RGS7: variants seen among roughly 807,000 people sequenced by gnomAD.
RGS7 encodes regulator of G-protein signaling 7.
In RGS7, 27 loss-of-function variants were observed where a neutral mutation model predicts 81.1. That is an observed-to-expected ratio of 0.33 (90% CI 0.25 to 0.46). The LOEUF (loss-of-function observed/expected upper bound fraction) is 0.46, where lower values mean the gene tolerates loss of function less well. RGS7 is among the 20% of genes least tolerant of loss of function. The pLI is 1.00. For synonymous variants in RGS7, 208 were observed against 207.7 expected (o/e 1.00, Z -0.01); for missense variants, 396 against 607.4 (o/e 0.65, Z 3.66).
At chr1:241,253,637 G>A (rs930255140) in intron 2 of RGS7, among the ~76,000 whole-genome samples, 5 of 152,118 alleles carry the variant, frequency 3.3e-5, no homozygotes, top group East Asian at 3.9e-4. Context: ...TATGCCCACC[G>A]TTGTGTCAGC....
At chr1:241,033,319 C>A (rs1274989358) in intron 3 of RGS7, among the ~76,000 whole-genome samples, 1 of 152,082 alleles carries the variant, frequency 6.6e-6, no homozygotes, top group Non-Finnish European at 1.5e-5. Flanking sequence ...CCACTGCACT[C>A]CAGCCTGGGT....
At chr1:240,794,732 C>T (rs1204782669) in intron 18 of RGS7, among the ~76,000 whole-genome samples, 1 of 152,150 alleles carries the variant, frequency 6.6e-6, no homozygotes, top group African/African-American at 2.4e-5. Context: ...TACCCTGGCT[C>T]CATAGCTGGG....
intron 6 of RGS7, among the ~76,000 whole-genome samples, chr1:240,904,292 G>A (rs1040483719): frequency 4.6e-5 from 7 of 152,272 alleles, no homozygotes; most frequent in South Asian, 4.1e-4. Context: ...AGATCAGGAC[G>A]GGAGTGTTAC....
chr1:241,273,186 C>T (rs957567774), intron 2 of RGS7, among the ~76,000 whole-genome samples: 7 of 135,104 alleles, frequency 5.2e-5, no homozygotes, highest in African/African-American at 1.6e-4. Context: ...CCCCCCCCCC[C>T]AAAGGATACA....
chr1:240,934,417 C>T (rs150027887), intron 5 of RGS7, among the ~76,000 whole-genome samples: 42 of 152,256 alleles, frequency 2.8e-4, no homozygotes, highest in African/African-American at 8.9e-4. Context: ...TTGGAACCAA[C>T]GTAAAAACAG....
intron 4 of RGS7, among the ~76,000 whole-genome samples, chr1:240,965,048 T>C (rs1367367629): frequency 6.6e-6 from 1 of 152,234 alleles, no homozygotes; most frequent in African/African-American, 2.4e-5. Flanking sequence ...AACAAGTTAA[T>C]GTTTCAACTT....
chr1:241,053,870 G>A (rs527733446), intron 3 of RGS7, among the ~76,000 whole-genome samples: 1 of 152,252 alleles, frequency 6.6e-6, no homozygotes, highest in East Asian at 1.9e-4. Flanking sequence ...TTTCTTGTCC[G>A]CTACCATGTA....
intron 18 of RGS7, among the ~76,000 whole-genome samples, chr1:240,780,372 C>T (rs1021159030): frequency 3.1e-5 from 4 of 129,978 alleles, no homozygotes; most frequent in Admixed American, 1.9e-4. Flanking sequence ...ATCTGGGAGG[C>T]GGAGGTTGCA....
intron 2 of RGS7, among the ~76,000 whole-genome samples, chr1:241,294,067 A>G (rs753346980): frequency 6.6e-6 from 1 of 152,238 alleles, no homozygotes; most frequent in Non-Finnish European, 1.5e-5. Context: ...TAGACTGGAT[A>G]AAGAAAATGT....
At chr1:241,072,530 C>T (rs377374860) in intron 3 of RGS7, among the ~76,000 whole-genome samples, 1 of 152,160 alleles carries the variant, frequency 6.6e-6, no homozygotes. Flanking sequence ...CAGCTGCGGA[C>T]CGTAAAACCA....
intron 4 of RGS7, among the ~76,000 whole-genome samples, chr1:240,975,358 T>C (rs4411123): frequency 1.3e-5 from 2 of 152,024 alleles, no homozygotes; most frequent in Non-Finnish European, 2.9e-5. Context: ...GCCAAGATCA[T>C]GCCACTTCAC....
chr1:240,940,817 G>A (rs1677464917), intron 4 of RGS7, among the ~76,000 whole-genome samples: 4 of 152,074 alleles, frequency 2.6e-5, no homozygotes, highest in Admixed American at 1.3e-4. Flanking sequence ...AGAAGTGAGT[G>A]ATCATAAGAC....
chr1:241,265,251 G>T (rs7554442), intron 2 of RGS7, among the ~76,000 whole-genome samples: 41,959 of 152,120 alleles, frequency 0.28, 5,972 homozygotes, highest in South Asian at 0.35. Flanking sequence ...CTGTCCAGCG[G>T]CAGGTGCCAT....
At chr1:240,822,976 G>A in intron 10 of RGS7, 1 of 529,332 alleles carries the variant, frequency 1.9e-6, no homozygotes. Context: ...TTCATCAGGG[G>A]CTATTCATCA....
chr1:241,023,035 T>C (rs12074100), intron 3 of RGS7, among the ~76,000 whole-genome samples: 2 of 55,360 alleles, frequency 3.6e-5, no homozygotes, highest in African/African-American at 1.6e-4. Flanking sequence ...ATATAGTTGT[T>C]ATAATGATTA....
intron 6 of RGS7, among the ~76,000 whole-genome samples, chr1:240,875,322 A>G (rs1665210201): frequency 6.6e-6 from 1 of 152,166 alleles, no homozygotes; most frequent in Non-Finnish European, 1.5e-5. Context: ...ACTTAACATA[A>G]TGTCCTCCAG....
chr1:241,008,448 C>T (rs981030264), intron 3 of RGS7, among the ~76,000 whole-genome samples: 3 of 152,184 alleles, frequency 2.0e-5, no homozygotes, highest in Admixed American at 6.5e-5. Context: ...TGCTTTTTAA[C>T]AAGCTCCCGG....
At chr1:240,967,641 A>C (rs1682553952) in intron 4 of RGS7, among the ~76,000 whole-genome samples, 1 of 151,280 alleles carries the variant, frequency 6.6e-6, no homozygotes. Flanking sequence ...GACATGAGAT[A>C]CTGGTTCACG....
intron 2 of RGS7, among the ~76,000 whole-genome samples, chr1:241,341,010 G>A (rs1030009052): frequency 1.3e-5 from 2 of 152,174 alleles, no homozygotes; most frequent in Admixed American, 1.3e-4. Context: ...TTATTCAGTA[G>A]GAGAAACTGT....
Sources: gnomAD v4.1 joint callset for allele counts (sites outside exome capture counted in the v4.1 genomes callset) on GRCh38, gnomAD v4.1.1 for gene constraint, MANE v1.5 for transcripts, NCBI Gene and HGNC (gene_info 2026-07-23, HGNC 2026-07-21) for gene names.